The following LAMA2 variants were observed in gnomAD, a reference collection of about 807,000 sequenced individuals.
LAMA2 encodes the protein laminin subunit alpha-2.
In LAMA2, 269 loss-of-function variants were observed where a neutral mutation model predicts 364.8. The observed-to-expected ratio is 0.74, with a 90% CI of 0.67 to 0.82. LAMA2 has a LOEUF of 0.82. Ranked by LOEUF, LAMA2 falls within the 40% of genes least tolerant of loss-of-function variation. LAMA2 has a pLI of 0.00. For synonymous variants in LAMA2, 1,379 were observed against 1,370.6 expected, an observed-to-expected ratio of 1.01 and a Z score of -0.14; for missense variants, 3,807 against 3,873.2, an observed-to-expected ratio of 0.98 and a Z score of 0.45.
chr6:128,903,022 A>G (rs1777185353), intron 1 of LAMA2, among the ~76,000 whole-genome samples: 2 of 152,158 alleles, frequency 1.3e-5, no homozygotes, highest in Admixed American at 6.6e-5. Flanking sequence ...ATATTAACAC[A>G]CACATTTTGT....
At chr6:129,233,052 G>C (rs1272232358) in intron 12 of LAMA2, among the ~76,000 whole-genome samples, 1 of 152,068 alleles carries the variant, frequency 6.6e-6, no homozygotes, top group Non-Finnish European at 1.5e-5. Flanking sequence ...CAACCTGAAT[G>C]AACAAGGAGA....
intron 30 of LAMA2, among the ~76,000 whole-genome samples, chr6:129,344,516 G>C (rs1776439637): frequency 1.3e-5 from 2 of 152,200 alleles, no homozygotes; most frequent in South Asian, 2.1e-4. Context: ...GAACATATCT[G>C]TCTGAATGGA....
At chr6:129,302,266 C>T (rs1773596435) in intron 22 of LAMA2, among the ~76,000 whole-genome samples, 3 of 151,892 alleles carry the variant, frequency 2.0e-5, no homozygotes, top group African/African-American at 2.4e-5. Context: ...ATTTAATGCC[C>T]AGTAATGTTG....
At chr6:129,477,474 A>G (rs1033608504) in intron 53 of LAMA2, among the ~76,000 whole-genome samples, 4 of 152,168 alleles carry the variant, frequency 2.6e-5, no homozygotes, top group Non-Finnish European at 4.4e-5. Flanking sequence ...TGTAGGTACT[A>G]TGATTATTAT....
At chr6:129,462,389 A>G (rs1583809235) in intron 49 of LAMA2, among the ~76,000 whole-genome samples, 1 of 151,972 alleles carries the variant, frequency 6.6e-6, no homozygotes, top group East Asian at 2.0e-4. Context: ...CTTCAGCTTG[A>G]TTTAGCCAAG....
chr6:129,129,976 T>A (rs540884693), intron 4 of LAMA2, among the ~76,000 whole-genome samples: 49 of 151,080 alleles, frequency 3.2e-4, no homozygotes, highest in Admixed American at 9.9e-4. Flanking sequence ...AAAATAATTT[T>A]AAAGGGGCAG....
rs554552365 is a variant in LAMA2 at position 129,138,752 on chromosome 6, A to C, written c.640-5149A>C. On this transcript the variant is annotated intron_variant, in intron 4 of 64. Coordinates refer to ENST00000421865, the MANE Select transcript of LAMA2 (RefSeq NM_000426.4). ...TTTCAGTAATTATGCTGATACATAT[A>C]ATAAAGCTACTGACAATTCATAAAG... is the stretch of plus-strand genomic sequence containing the variant. Among the ~76,000 whole-genome samples, 14 of 152,276 alleles carry C rather than the reference A, an allele frequency of 9.2e-5. No homozygotes were observed. The South Asian group carries it at 2.9e-3, about 32-fold the overall frequency.
intron 17 of LAMA2, among the ~76,000 whole-genome samples, chr6:129,275,258 C>CCTA (rs1788223386): frequency 2.0e-5 from 3 of 152,068 alleles, no homozygotes; most frequent in African/African-American, 7.2e-5. Flanking sequence ...AGTGCTCTTT[C>CCTA]CTACACATTG....
intron 30 of LAMA2, among the ~76,000 whole-genome samples, chr6:129,344,704 G>C (rs1278784681): frequency 6.6e-6 from 1 of 152,118 alleles, no homozygotes; most frequent in Admixed American, 6.6e-5. Flanking sequence ...AAAAAGAAGA[G>C]CCAAGGCAGG....
chr6:129,250,179 C>A lies in LAMA2; in HGVS notation c.1850C>A (p.Thr617Lys). 1 of 1,605,312 alleles carries A rather than the reference C, an allele frequency of 6.2e-7. No homozygotes were observed. The highest frequency in any genetic ancestry group is 8.5e-7 in the Non-Finnish European group (1 of 1,172,396). The part of the protein sequence containing the change: ...SYDLEEEEED[T>K]ERVLQLMIIL... ...GACCTTGAAGAAGAGGAAGAAGATA[C>A]AGAACGTGTTCTCCAGCTTATGATT... is the stretch of plus-strand genomic sequence containing the variant. The change falls in exon 13 of 65, where the codon ACA (threonine) becomes AAA (lysine). Residue 617 changes from threonine to lysine, a missense_variant. By Grantham distance (78) the Thr-to-Lys change is moderately conservative. This residue lies in a region of LAMA2 where 3,333 missense variants were observed against 3,345.7 expected (regional missense o/e 1.00). Transcript: ENST00000421865.
Position 129,472,800 on chromosome 6 carries a change from T to C in LAMA2, c.7301-414T>C, listed in dbSNP as rs1783877504. ...AGTAGTTCCTGTGGATAGTAAAACT[T>C]ACAGAAAGAGCCATAGATTAGGCAT... On this transcript the variant is annotated intron_variant, in intron 51 of 64. Coordinates refer to ENST00000421865, the MANE Select transcript of LAMA2 (RefSeq NM_000426.4). Among the ~76,000 whole-genome samples the C allele has an allele frequency of 2.0e-5, 3 of 151,968 alleles. No individual in the cohort carries two copies. The South Asian group carries it at 6.2e-4, about 31-fold the overall frequency.
chr6:129,336,649 G>A (rs1775974223), intron 29 of LAMA2, among the ~76,000 whole-genome samples: 1 of 152,182 alleles, frequency 6.6e-6, no homozygotes, highest in Non-Finnish European at 1.5e-5. Context: ...CCATATCCAT[G>A]TTTCAAATGC....
intron 12 of LAMA2, among the ~76,000 whole-genome samples, chr6:129,220,305 A>G (rs1783738759): frequency 6.6e-6 from 1 of 152,032 alleles, no homozygotes. Context: ...AGCAATGAGC[A>G]AAAAAACACT....
intron 3 of LAMA2, among the ~76,000 whole-genome samples, chr6:129,079,091 A>G (rs1297470305): frequency 6.6e-6 from 1 of 152,046 alleles, no homozygotes; most frequent in Non-Finnish European, 1.5e-5. Flanking sequence ...GGTTAATTCC[A>G]CCTTCTGGCT....
rs529772889 is a variant in LAMA2, at chr6:128,907,939, A to G, written c.112+24582A>G. ...CCTGTTTATATGCTGGATTACATTT[A>G]CTGATTTGCGTATATTGAACCAGCC... On this transcript the variant is annotated intron_variant, in intron 1 of 64. Coordinates refer to ENST00000421865, the MANE Select transcript of LAMA2 (RefSeq NM_000426.4). Among the ~76,000 whole-genome samples the G allele has an allele frequency of 1.8e-4, 27 of 152,274 alleles. No homozygotes were observed. The South Asian group carries it at 3.9e-3, about 22-fold the overall frequency.
chr6:129,489,054 T>G (rs959887071), intron 56 of LAMA2, among the ~76,000 whole-genome samples: 15 of 152,260 alleles, frequency 9.9e-5, no homozygotes, highest in Non-Finnish European at 1.9e-4. Flanking sequence ...CCTCCATCTA[T>G]GCACAGCCAA....
intron 4 of LAMA2, among the ~76,000 whole-genome samples, chr6:129,105,773 A>G (rs995999509): frequency 4.6e-5 from 7 of 152,210 alleles, no homozygotes; most frequent in Non-Finnish European, 7.3e-5. Flanking sequence ...GGTATCTGAG[A>G]GAAGAATCAC....
At chr6:129,506,872 G>T (rs1786125305) in intron 61 of LAMA2, among the ~76,000 whole-genome samples, 1 of 152,060 alleles carries the variant, frequency 6.6e-6, no homozygotes, top group Non-Finnish European at 1.5e-5. Flanking sequence ...AAGTGACACT[G>T]GTACAAGCAA....
intron 12 of LAMA2, among the ~76,000 whole-genome samples, chr6:129,244,913 G>C (rs558214574): frequency 4.7e-4 from 71 of 152,290 alleles, no homozygotes; most frequent in African/African-American, 1.6e-3. Flanking sequence ...ATATTGCATA[G>C]TAACTATAAT....
Sources: gnomAD v4.1 joint callset for allele counts (sites outside exome capture counted in the v4.1 genomes callset) on GRCh38, gnomAD v4.1.1 for gene constraint, gnomAD v4.1.1 regional missense constraint, MANE v1.5 for transcripts, NCBI Gene and HGNC (gene_info 2026-07-23, HGNC 2026-07-21) for gene names.